Variants in GUCY1B1 observed in about 807,000 individuals in gnomAD.
The protein encoded by GUCY1B1 is guanylate cyclase soluble subunit beta-1.
GUCY1B1 carries 43 observed loss-of-function variants against 71.0 expected under a neutral mutation model. The observed-to-expected ratio is 0.61, with a 90% CI of 0.47 to 0.78. The LOEUF (loss-of-function observed/expected upper bound fraction) is 0.78, where lower values mean the gene tolerates loss of function less well. Among genes scored for constraint, GUCY1B1 ranks in the 30% least tolerant of loss-of-function variants. The probability of loss-of-function intolerance (pLI) is 0.00; values close to 1 mark genes in which losing one functional copy is unlikely to be tolerated. For synonymous variants in GUCY1B1, 266 were observed against 259.7 expected (o/e 1.02, Z -0.23); for missense variants, 535 against 754.1 (o/e 0.71, Z 3.40).
At chr4:155,803,169 T>C (rs1431985081) in intron 10 of GUCY1B1, among the ~76,000 whole-genome samples, 14 of 152,224 alleles carry the variant, frequency 9.2e-5, no homozygotes, top group Non-Finnish European at 1.8e-4. Flanking sequence ...ACAAGGACTA[T>C]TTATTTTATA....
rs1561034840 is a variant in GUCY1B1 at position 155,802,606 on chromosome 4, G to T, written c.1413+27G>T. The T allele has an allele frequency of 6.6e-7, 1 of 1,524,616 alleles. No homozygotes were observed. The highest frequency in any genetic ancestry group is 1.3e-5 in the South Asian group (1 of 75,378). 94.4% of individuals were successfully genotyped at this position (1,524,616 alleles called of 1,614,324 possible). A position where few individuals can be genotyped will look rare whatever the true frequency, so the allele number is the denominator to read the frequency against. ...CAAGTGTTCTTTATCGCTGACTGCA[G>T]AGCTATCCAGAGGCTGGCGTTCTGA... On this transcript the variant is annotated intron_variant, in intron 10 of 13. Coordinates refer to ENST00000264424, the MANE Select transcript of GUCY1B1 (RefSeq NM_000857.5). This position sits in a 1 kb window ranked among gnomAD's most constrained non-coding sequence, Gnocchi z 4.3.
chr4:155,806,691 A>G lies in GUCY1B1; in HGVS notation c.*282A>G, dbSNP rs925849108. The G allele has an allele frequency of 2.7e-6, 1 of 366,148 alleles. No homozygotes were observed. The allele number at this position is 366,148 out of a possible 1,614,324, so 22.7% of individuals were successfully genotyped here. On this transcript the variant is annotated 3_prime_UTR_variant, in exon 14 of 14. Transcript: ENST00000264424. Reference sequence around the variant, plus strand: ...AAATCTACTACAAGCATTACCTAACATGGTGATCTGCAAGTAGTAGGCACC... The same window carrying G: ...AAATCTACTACAAGCATTACCTAACGTGGTGATCTGCAAGTAGTAGGCACC...
chr4:155,783,232 T>C lies in GUCY1B1; in HGVS notation c.297+5590T>C, dbSNP rs182188173. Among the ~76,000 whole-genome samples the C allele has an allele frequency of 1.8e-4, 27 of 152,296 alleles. 1 individual carries two copies. The East Asian group carries it at 4.6e-3, about 26-fold the overall frequency. Reference sequence around the variant, plus strand: ...TAAGATAATCTATTACCCCTGGGAATAGGAGCCATGTCAGTCCCAAACAGG... The same window carrying C: ...TAAGATAATCTATTACCCCTGGGAACAGGAGCCATGTCAGTCCCAAACAGG... On this transcript the variant is annotated intron_variant, in intron 4 of 13. Transcript: ENST00000264424.
In GUCY1B1 at chr4:155,804,574, A is replaced by G. The variant is rs1561037044; in HGVS notation, c.1555-19A>G. On this transcript the variant is annotated intron_variant, in intron 11 of 13. Coordinates refer to ENST00000264424, the MANE Select transcript of GUCY1B1 (RefSeq NM_000857.5). ...TGTTAGTGATCAAAATGATTGAAGC[A>G]AAGCTTTCTTTTTTGCAGATAACAA... 3 of 1,591,644 alleles carry G rather than the reference A, an allele frequency of 1.9e-6. No individual in the cohort carries two copies. Among genetic ancestry groups the G allele is most frequent in the Non-Finnish European group, 2.6e-6 (3 of 1,169,148 alleles).
chr4:155,760,819 CT>C (rs1218070079), intron 2 of GUCY1B1, among the ~76,000 whole-genome samples: 25 of 152,166 alleles, frequency 1.6e-4, no homozygotes, highest in Non-Finnish European at 1.5e-5. Flanking sequence ...TGGGAATACA[CT>C]GTTATTATTC....
intron 5 of GUCY1B1, among the ~76,000 whole-genome samples, chr4:155,793,238 G>A (rs374896972): frequency 2.0e-5 from 3 of 151,982 alleles, no homozygotes; most frequent in Admixed American, 6.6e-5. Context: ...CACTGCGCCT[G>A]GCTAATTTTT....
At chr4:155,760,109 G>A (rs372236022) in intron 2 of GUCY1B1, among the ~76,000 whole-genome samples, 1 of 152,144 alleles carries the variant, frequency 6.6e-6, no homozygotes, top group Admixed American at 6.5e-5. Flanking sequence ...GGGTCACCAC[G>A]GCTTCCCGAC....
rs772650677 is a variant in GUCY1B1, at chr4:155,794,002, C to G, written c.642C>G (p.Cys214Trp). 5.6e-6 allele frequency: 9 copies of G among 1,612,854 alleles called. No individual in the cohort carries two copies. The highest frequency in any genetic ancestry group is 7.6e-6 in the Non-Finnish European group (9 of 1,179,012). Residue 214 changes from cysteine to tryptophan, a missense_variant, in exon 6 of 14, where the codon TGC becomes TGG. Transcript: ENST00000264424. ...CACGCATCAGCCCATATACATTCTG[C>G]AAAGCTTTTCCTTTTCATATAATAT... is the stretch of plus-strand genomic sequence containing the variant. ...QESRISPYTF[C>W]KAFPFHIIFD...
chr4:155,763,065 G>A (rs921194145), intron 2 of GUCY1B1, among the ~76,000 whole-genome samples: 9 of 152,158 alleles, frequency 5.9e-5, no homozygotes, highest in Non-Finnish European at 1.3e-4. Context: ...AAAGTTAGGA[G>A]TGATACATCC....
At chr4:155,768,413 A>T (rs3796565) in intron 2 of GUCY1B1, among the ~76,000 whole-genome samples, 22,707 of 151,268 alleles carry the variant, frequency 0.15, 1,814 homozygotes, top group South Asian at 0.23. Flanking sequence ...TTAGTTTGAA[A>T]GCAAATGATG....
intron 2 of GUCY1B1, among the ~76,000 whole-genome samples, chr4:155,766,633 T>C (rs1425506788): frequency 1.3e-5 from 2 of 152,196 alleles, no homozygotes; most frequent in African/African-American, 4.8e-5. Flanking sequence ...GTGTCAGAGT[T>C]CTTTTATGTT....
intron 6 of GUCY1B1, among the ~76,000 whole-genome samples, chr4:155,794,452 C>T (rs1324538318): frequency 2.0e-5 from 3 of 151,912 alleles, no homozygotes; most frequent in African/African-American, 7.3e-5. Flanking sequence ...CTTTAAAAAT[C>T]AACTATTGAT....
chr4:155,764,750 GT>G, intron 2 of GUCY1B1, among the ~76,000 whole-genome samples: 1 of 152,300 alleles, frequency 6.6e-6, no homozygotes, highest in Non-Finnish European at 1.5e-5. Flanking sequence ...GCTTACTAAT[GT>G]TTGAAGTTAT....
intron 4 of GUCY1B1, among the ~76,000 whole-genome samples, chr4:155,781,081 A>G (rs1738386483): frequency 6.6e-6 from 1 of 152,226 alleles, no homozygotes; most frequent in Admixed American, 6.5e-5. Context: ...GGTCTGTCTT[A>G]TATATGTATA....
intron 4 of GUCY1B1, among the ~76,000 whole-genome samples, chr4:155,786,708 T>C (rs574631767): frequency 2.0e-5 from 3 of 151,776 alleles, no homozygotes; most frequent in South Asian, 2.1e-4. Flanking sequence ...CTCCTGACCT[T>C]GTGATCCGCC....
At chr4:155,804,421 T>C (rs990653768) in intron 11 of GUCY1B1, among the ~76,000 whole-genome samples, 172 bp from the exon 12 acceptor site, 1 of 151,932 alleles carries the variant, frequency 6.6e-6, no homozygotes, top group African/African-American at 2.4e-5. Flanking sequence ...GTGCGGGGCT[T>C]AAAACCTAGA....
intron 4 of GUCY1B1, among the ~76,000 whole-genome samples, chr4:155,781,985 T>C (rs1738450666): frequency 6.6e-6 from 1 of 152,192 alleles, no homozygotes; most frequent in African/African-American, 2.4e-5. Context: ...TGTCTAGTTT[T>C]TCCACTTTTT....
In GUCY1B1 at chr4:155,759,749, CG is replaced by C. The variant is rs1560995047; in HGVS notation, c.4-35del. ...CCCCCAAGCCGCTTCTCAGGTACAGCGGGTCCCTGACGCTCAAGTCTCTCCC... is the reference window on the plus strand; with the variant it reads ...CCCCCAAGCCGCTTCTCAGGTACAGCGGTCCCTGACGCTCAAGTCTCTCCC... On this transcript the variant is annotated intron_variant, in intron 1 of 13. Coordinates refer to ENST00000264424, the MANE Select transcript of GUCY1B1 (RefSeq NM_000857.5). 11 of 1,490,676 alleles carry C rather than the reference CG, an allele frequency of 7.4e-6. No individual in the cohort carries two copies. The African/African-American group carries it at 1.5e-4, about 21-fold the overall frequency. The allele number at this position is 1,490,676 out of a possible 1,614,324, so 92.3% of individuals were successfully genotyped here.
Position 155,759,026 on chromosome 4 carries a change from A to G in GUCY1B1, c.-115A>G. On this transcript the variant is annotated 5_prime_UTR_variant, in exon 1 of 14. Coordinates refer to ENST00000264424, the MANE Select transcript of GUCY1B1 (RefSeq NM_000857.5). ...GGGCCAAGGCGGCTGTTCTCGCTCC[A>G]GCTCGATGCTGCCTCCCCGGCCCGG... 8.6e-7 allele frequency: 1 copy of G among 1,168,778 alleles called. No homozygotes were observed. Among genetic ancestry groups the G allele is most frequent in the Non-Finnish European group, 1.2e-6 (1 of 807,516 alleles). 72.4% of individuals were successfully genotyped at this position (1,168,778 alleles called of 1,614,324 possible). A position where few individuals can be genotyped will look rare whatever the true frequency, so the allele number is the denominator to read the frequency against.
Sources: allele counts gnomAD v4.1 joint callset (sites outside exome capture counted in the v4.1 genomes callset), GRCh38; gene constraint gnomAD v4.1.1; non-coding constraint Gnocchi (gnomAD v3.1); transcripts MANE v1.5; gene names NCBI Gene and HGNC (gene_info 2026-07-23, HGNC 2026-07-21).